SH3RF3: variants seen among roughly 807,000 people sequenced by gnomAD.
The protein encoded by SH3RF3 is E3 ubiquitin-protein ligase SH3RF3.
SH3RF3 carries 29 observed loss-of-function variants against 66.3 expected under a neutral mutation model. That is an observed-to-expected ratio of 0.44 (90% CI 0.33 to 0.60). The LOEUF is 0.60. Ranked by LOEUF, SH3RF3 falls within the 20% of genes least tolerant of loss-of-function variation. The pLI, the probability that SH3RF3 is intolerant of heterozygous loss-of-function variation, is 0.04. For synonymous variants in SH3RF3, 583 were observed against 532.0 expected (o/e 1.10, Z -1.32); for missense variants, 1,194 against 1,190.9 (o/e 1.00, Z -0.04).
chr2:109,270,540 A>T (rs578171865), intron 1 of SH3RF3, among the ~76,000 whole-genome samples: 1 of 152,262 alleles, frequency 6.6e-6, no homozygotes, highest in African/African-American at 2.4e-5. Context: ...TTCCTCTGTG[A>T]TCAGCGGTGA....
chr2:109,404,978 T>A (rs987934590), intron 4 of SH3RF3, among the ~76,000 whole-genome samples: 2 of 151,380 alleles, frequency 1.3e-5, no homozygotes, highest in Admixed American at 6.6e-5. Flanking sequence ...TGCCAGACCC[T>A]CTTTCTAACC....
At chr2:109,172,822 G>A (rs969158065) in intron 1 of SH3RF3, among the ~76,000 whole-genome samples, 3 of 152,220 alleles carry the variant, frequency 2.0e-5, no homozygotes, top group African/African-American at 7.2e-5. Flanking sequence ...CCAGCACGAA[G>A]CCTCGACTGG....
At chr2:109,395,527 G>A (rs771832211) in intron 3 of SH3RF3, among the ~76,000 whole-genome samples, 4 of 152,154 alleles carry the variant, frequency 2.6e-5, no homozygotes, top group East Asian at 1.9e-4. Flanking sequence ...TTCTCCTGCC[G>A]TCTGTTGAAG....
chr2:109,252,183 G>GGT (rs1443660330), intron 1 of SH3RF3, among the ~76,000 whole-genome samples: 1 of 151,950 alleles, frequency 6.6e-6, no homozygotes, highest in Non-Finnish European at 1.5e-5. Flanking sequence ...GGGAGGCAGA[G>GGT]GTTGCAGTGA....
At chr2:109,214,498 C>T (rs1679064934) in intron 1 of SH3RF3, among the ~76,000 whole-genome samples, 1 of 151,544 alleles carries the variant, frequency 6.6e-6, no homozygotes, top group South Asian at 2.1e-4. Context: ...GAGTGGAGCC[C>T]AAGCCAGCCA....
At chr2:109,353,789 A>G (rs1302016628) in intron 2 of SH3RF3, among the ~76,000 whole-genome samples, 1 of 152,178 alleles carries the variant, frequency 6.6e-6, no homozygotes, top group Non-Finnish European at 1.5e-5. Flanking sequence ...CCGTGTGTGC[A>G]TGCGTGTGTC....
At position 109,431,951 on chromosome 2, in the gene SH3RF3, C is replaced by T. The variant is rs115979331; in HGVS notation, c.1404-550C>T. ...AACCACAGTTTTCTAACTTAACCAC[C>T]TTTCCCTTAAAAAGGGCCTCTGAGG... On this transcript the variant is annotated intron_variant, in intron 5 of 9. Coordinates refer to ENST00000309415, the MANE Select transcript of SH3RF3 (RefSeq NM_001099289.3). 3.2e-3 allele frequency among the ~76,000 whole-genome samples: 487 copies of T among 152,324 alleles called. 4 individuals carry two copies. The highest frequency in any genetic ancestry group is 0.011 in the African/African-American group (469 of 41,578).
intron 1 of SH3RF3, among the ~76,000 whole-genome samples, chr2:109,280,466 G>T (rs898162928): frequency 6.6e-6 from 1 of 152,138 alleles, no homozygotes; most frequent in African/African-American, 2.4e-5. Flanking sequence ...GAGCGGTGGG[G>T]AATCCCTTCT....
At chr2:109,339,349 TG>T (rs1381475038) in intron 1 of SH3RF3, among the ~76,000 whole-genome samples, 1 of 151,970 alleles carries the variant, frequency 6.6e-6, no homozygotes, top group Non-Finnish European at 1.5e-5. Flanking sequence ...ATGTGGTGGT[TG>T]GTTTGGGTTG....
rs147415243 is a variant in SH3RF3, at chr2:109,220,639, A to T, written c.573+90526A>T. ...TCAGTAAACATTTTCCCAAAGATAT[A>T]CAAATGGCCAGTAAGCACATGAAAA... On this transcript the variant is annotated intron_variant, in intron 1 of 9. Transcript: ENST00000309415. Among the ~76,000 whole-genome samples the T allele has an allele frequency of 4.1e-3, 628 of 152,352 alleles. 8 individuals are homozygous for T. Among genetic ancestry groups the T allele is most frequent in the African/African-American group, 0.014 (591 of 41,576 alleles).
chr2:109,488,392 G>A (rs1023129131), intron 8 of SH3RF3, among the ~76,000 whole-genome samples: 9 of 152,222 alleles, frequency 5.9e-5, no homozygotes, highest in Non-Finnish European at 1.3e-4. Flanking sequence ...AACTCTTGCT[G>A]TGGGTTCAGG....
intron 1 of SH3RF3, among the ~76,000 whole-genome samples, chr2:109,316,941 C>A (rs1681899816): frequency 6.6e-6 from 1 of 152,132 alleles, no homozygotes; most frequent in Non-Finnish European, 1.5e-5. Context: ...CTTAGTAATT[C>A]ATGTTTGAGG....
intron 1 of SH3RF3, among the ~76,000 whole-genome samples, chr2:109,343,284 T>C (rs574699543): frequency 2.2e-4 from 33 of 152,354 alleles, no homozygotes; most frequent in African/African-American, 6.7e-4. Context: ...GTGTCACCCA[T>C]GTGAGCATTT....
intron 1 of SH3RF3, among the ~76,000 whole-genome samples, chr2:109,330,976 A>G (rs1238453742): frequency 6.6e-6 from 1 of 152,228 alleles, no homozygotes; most frequent in Non-Finnish European, 1.5e-5. Flanking sequence ...AGGTTGTGCC[A>G]TGCATTAGTT....
chr2:109,240,818 T>G lies in SH3RF3; in HGVS notation c.574-106856T>G, dbSNP rs952912354. ...GGTTTCTCTTCTCTTCTAAGGTTAC[T>G]TCTTCCTACTGGACTCCTGACACCC... is the stretch of plus-strand genomic sequence containing the variant. On this transcript the variant is annotated intron_variant, in intron 1 of 9. Coordinates refer to ENST00000309415, the MANE Select transcript of SH3RF3 (RefSeq NM_001099289.3). 8.5e-5 allele frequency among the ~76,000 whole-genome samples: 13 copies of G among 152,166 alleles called. No homozygotes were observed. In the South Asian group the frequency reaches 2.7e-3, roughly 32 times the overall value.
intron 1 of SH3RF3, among the ~76,000 whole-genome samples, chr2:109,266,499 T>C (rs960980384): frequency 6.6e-6 from 1 of 152,110 alleles, no homozygotes; most frequent in African/African-American, 2.4e-5. Context: ...ATCTGCCCCT[T>C]CACTGCCTTC....
intron 1 of SH3RF3, among the ~76,000 whole-genome samples, chr2:109,136,236 C>A (rs1484996949): frequency 6.6e-6 from 1 of 151,776 alleles, no homozygotes; most frequent in Non-Finnish European, 1.5e-5. Context: ...TAAAAAAAAA[C>A]ACACACATCA....
chr2:109,495,959 G>A lies in SH3RF3; in HGVS notation c.2480+5023G>A, dbSNP rs193237284. Among the ~76,000 whole-genome samples the A allele has an allele frequency of 4.6e-5, 7 of 152,302 alleles. No homozygotes were observed. In the East Asian group the frequency reaches 1.4e-3, roughly 29 times the overall value. On this transcript the variant is annotated intron_variant, in intron 9 of 9. Coordinates refer to ENST00000309415, the MANE Select transcript of SH3RF3 (RefSeq NM_001099289.3). ...GCTATTGTGTCCAGAGTTGGTTCCT[G>A]GTGGGTTCGTGGTCTCACTGACTTC...
At chr2:109,486,800 A>C (rs1678992030) in intron 8 of SH3RF3, among the ~76,000 whole-genome samples, 1 of 152,204 alleles carries the variant, frequency 6.6e-6, no homozygotes, top group African/African-American at 2.4e-5. Flanking sequence ...GAGACATCCC[A>C]GCAGGGCGAC....
Sources: allele counts gnomAD v4.1 joint callset (sites outside exome capture counted in the v4.1 genomes callset), GRCh38; gene constraint gnomAD v4.1.1; transcripts MANE v1.5; gene names NCBI Gene and HGNC (gene_info 2026-07-23, HGNC 2026-07-21).